The following CSMD3 variants were observed in gnomAD, a reference collection of about 807,000 sequenced individuals.
CSMD3 encodes the protein CUB and Sushi multiple domains 3, also known as CUB and sushi domain-containing protein 3.
In CSMD3, 177 loss-of-function variants were observed where a neutral mutation model predicts 435.2. The ratio of observed to expected loss-of-function variants is 0.41; its 90% CI spans 0.36 to 0.46. The LOEUF (loss-of-function observed/expected upper bound fraction) is 0.46, where lower values mean the gene tolerates loss of function less well. CSMD3 is among the 20% of genes least tolerant of loss of function. The pLI is 0.34. For missense variants in CSMD3, 4,265 were observed against 4,504.6 expected, an observed-to-expected ratio of 0.95 and a Z score of 1.52; for synonymous variants, 1,656 against 1,520.5, an observed-to-expected ratio of 1.09 and a Z score of -2.07.
chr8:113,231,154 A>G (rs1034540040), intron 3 of CSMD3, among the ~76,000 whole-genome samples: 2 of 151,382 alleles, frequency 1.3e-5, no homozygotes, highest in African/African-American at 4.8e-5. Flanking sequence ...TATTTTTCCC[A>G]TAAATTAGAC....
At chr8:112,285,475 T>C (rs1293269909) in intron 58 of CSMD3, among the ~76,000 whole-genome samples, 3 of 152,092 alleles carry the variant, frequency 2.0e-5, no homozygotes, top group Non-Finnish European at 4.4e-5. Flanking sequence ...ATATAAATAT[T>C]AAACATAATC....
intron 10 of CSMD3, among the ~76,000 whole-genome samples, chr8:112,871,522 C>T (rs2081134729): frequency 1.3e-5 from 2 of 151,940 alleles, no homozygotes; most frequent in African/African-American, 4.8e-5. Flanking sequence ...AGTGAGAAGA[C>T]CAGCACTGGA....
rs2130831866 is a variant in CSMD3, at chr8:112,314,016, C to G, written c.7586G>C (p.Ser2529Thr). ...NIQSPVLISL[S>T]GDYSSAFNIT... ...ATTAAAAGCAGATGAATAATCCCCA[C>G]TGAGGGAAATAAGCACTGGACTTTG... Residue 2529 changes from serine to threonine, a missense_variant, in exon 49 of 71, where the codon AGT (serine) becomes ACT (threonine). This residue lies in a region of CSMD3 where 3,255 missense variants were observed against 3,380.2 expected (regional missense o/e 0.96). Transcript: ENST00000297405. 6.2e-7 allele frequency: 1 copy of G among 1,610,816 alleles called. No individual in the cohort carries two copies. The highest frequency in any genetic ancestry group is 1.1e-5 in the South Asian group (1 of 91,020).
chr8:113,254,454 G>A (rs867937584), intron 3 of CSMD3, among the ~76,000 whole-genome samples: 11 of 152,152 alleles, frequency 7.2e-5, no homozygotes, highest in Non-Finnish European at 1.0e-4. Flanking sequence ...CATGGTACTG[G>A]CCAGGTATAG....
At chr8:112,314,707 T>A in intron 47 of CSMD3, 90 bp from the exon 48 acceptor site, 3 of 845,696 alleles carry the variant, frequency 3.5e-6, no homozygotes, top group Non-Finnish European at 6.0e-6. Context: ...TGCTTTCATG[T>A]TCAATAGCTA....
chr8:113,117,267 C>G (rs1470392127), intron 4 of CSMD3, among the ~76,000 whole-genome samples: 1 of 152,200 alleles, frequency 6.6e-6, no homozygotes, highest in East Asian at 1.9e-4. Context: ...CCCTGTGTCC[C>G]AGCCATGGCT....
chr8:113,390,020 T>C (rs2094455037), intron 1 of CSMD3, among the ~76,000 whole-genome samples: 1 of 151,834 alleles, frequency 6.6e-6, no homozygotes, highest in Admixed American at 6.6e-5. Context: ...TTATACTGCA[T>C]TGTGTGTATT....
At chr8:113,368,774 A>T (rs2133039495) in intron 1 of CSMD3, among the ~76,000 whole-genome samples, 1 of 152,252 alleles carries the variant, frequency 6.6e-6, no homozygotes, top group East Asian at 1.9e-4. Flanking sequence ...CATATCATTT[A>T]TAATTTTCTG....
At chr8:112,362,030 A>G (rs1319566431) in intron 38 of CSMD3, among the ~76,000 whole-genome samples, 1 of 151,942 alleles carries the variant, frequency 6.6e-6, no homozygotes, top group East Asian at 1.9e-4. Context: ...CACATTCCAC[A>G]TCTATCATTA....
At chr8:112,511,201 TA>T (rs1160399757) in intron 28 of CSMD3, among the ~76,000 whole-genome samples, 1 of 152,058 alleles carries the variant, frequency 6.6e-6, no homozygotes, top group Non-Finnish European at 1.5e-5. Context: ...GCATTGTGTC[TA>T]AAAAATGTAC....
intron 35 of CSMD3, among the ~76,000 whole-genome samples, chr8:112,403,122 A>G (rs1831481087): frequency 6.6e-6 from 1 of 152,182 alleles, no homozygotes; most frequent in African/African-American, 2.4e-5. Flanking sequence ...AATGTATTTT[A>G]ATAGAGTCAG....
intron 23 of CSMD3, among the ~76,000 whole-genome samples, chr8:112,579,556 ATAATT>A (rs1830191482): frequency 6.6e-6 from 1 of 152,072 alleles, no homozygotes; most frequent in South Asian, 2.1e-4. Flanking sequence ...TGTTTTTAAT[ATAATT>A]TAAGTTAATT....
intron 70 of CSMD3, among the ~76,000 whole-genome samples, chr8:112,226,635 G>C (rs1486870095): frequency 6.6e-6 from 1 of 152,118 alleles, no homozygotes; most frequent in African/African-American, 2.4e-5. Flanking sequence ...CACGGAAAGG[G>C]AGAAAATATT....
chr8:113,384,107 G>T (rs1022185209), intron 1 of CSMD3, among the ~76,000 whole-genome samples: 4 of 152,094 alleles, frequency 2.6e-5, no homozygotes, highest in Non-Finnish European at 5.9e-5. Context: ...TTAAAAACCT[G>T]TCTTGATACT....
intron 1 of CSMD3, among the ~76,000 whole-genome samples, chr8:113,358,014 C>A (rs531600224): frequency 6.6e-6 from 1 of 152,090 alleles, no homozygotes; most frequent in Non-Finnish European, 1.5e-5. Flanking sequence ...AGACTAATAC[C>A]GAGTATGCAT....
At chr8:113,337,020 A>T (rs769584761) in intron 1 of CSMD3, among the ~76,000 whole-genome samples, 10 of 151,974 alleles carry the variant, frequency 6.6e-5, no homozygotes, top group African/African-American at 2.4e-4. Flanking sequence ...ACATATATCA[A>T]CTCAACGGTT....
intron 57 of CSMD3, among the ~76,000 whole-genome samples, chr8:112,288,867 T>A (rs928502763): frequency 6.6e-6 from 1 of 152,148 alleles, no homozygotes; most frequent in African/African-American, 2.4e-5. Context: ...ATATCTTTAA[T>A]AAAATGAATT....
chr8:112,770,926 G>C (rs2132194827), intron 13 of CSMD3, among the ~76,000 whole-genome samples: 1 of 151,920 alleles, frequency 6.6e-6, no homozygotes, highest in Non-Finnish European at 1.5e-5. Context: ...AAACTGATGA[G>C]TTCTAAGCTG....
At chr8:113,048,734 A>G (rs1212727064) in intron 5 of CSMD3, among the ~76,000 whole-genome samples, 1 of 152,160 alleles carries the variant, frequency 6.6e-6, no homozygotes, top group Non-Finnish European at 1.5e-5. Flanking sequence ...GCAGAAAAAT[A>G]AGAACCATGG....
Sources: gnomAD v4.1 joint callset for allele counts (sites outside exome capture counted in the v4.1 genomes callset) on GRCh38, gnomAD v4.1.1 for gene constraint, gnomAD v4.1.1 regional missense constraint, MANE v1.5 for transcripts, NCBI Gene and HGNC (gene_info 2026-07-23, HGNC 2026-07-21) for gene names.